DENND1A: variants seen among roughly 807,000 people sequenced by gnomAD.
DENND1A encodes the protein DENN domain containing 1A.
In DENND1A, 51 loss-of-function variants were observed where a neutral mutation model predicts 113.7. That is an observed-to-expected ratio of 0.45 (90% CI 0.36 to 0.57). The LOEUF is 0.57. Among genes scored for constraint, DENND1A ranks in the 20% least tolerant of loss-of-function variants. DENND1A has a pLI of 0.00. For synonymous variants in DENND1A, 565 were observed against 570.8 expected (o/e 0.99, Z 0.14); for missense variants, 1,258 against 1,395.9 (o/e 0.90, Z 1.57).
At chr9:123,635,997 G>GTCA (rs2061682273) in intron 9 of DENND1A, among the ~76,000 whole-genome samples, 1 of 152,166 alleles carries the variant, frequency 6.6e-6, no homozygotes, top group Non-Finnish European at 1.5e-5. Context: ...TAGAGGAATT[G>GTCA]CTATCCTTTG....
At chr9:123,391,434 A>C (rs541755016) in intron 21 of DENND1A, among the ~76,000 whole-genome samples, 1 of 152,242 alleles carries the variant, frequency 6.6e-6, no homozygotes, top group Non-Finnish European at 1.5e-5. Context: ...TTTTGCAGAC[A>C]AAGTAGCCAA....
intron 13 of DENND1A, among the ~76,000 whole-genome samples, chr9:123,514,607 G>A (rs1265401931): frequency 2.0e-5 from 3 of 152,136 alleles, no homozygotes; most frequent in Admixed American, 2.0e-4. Flanking sequence ...TATAGGCCAG[G>A]TTTTTCACTT....
intron 5 of DENND1A, among the ~76,000 whole-genome samples, chr9:123,684,861 T>C (rs560650235): frequency 2.7e-4 from 41 of 152,094 alleles, no homozygotes; most frequent in Non-Finnish European, 5.4e-4. Flanking sequence ...GCTCACAGTC[T>C]AAAGAGGAAA....
intron 5 of DENND1A, among the ~76,000 whole-genome samples, chr9:123,710,560 C>CACAT (rs60092060): frequency 1.0e-4 from 15 of 148,980 alleles, no homozygotes; most frequent in African/African-American, 1.8e-4. Context: ...CACACACACA[C>CACAT]TGGCATCATA....
chr9:123,539,807 C>T (rs1219724418), intron 13 of DENND1A, among the ~76,000 whole-genome samples: 3 of 149,140 alleles, frequency 2.0e-5, no homozygotes, highest in East Asian at 2.0e-4. Flanking sequence ...GGCGTGAACC[C>T]GGGAGGCAGA....
At chr9:123,442,460 G>C (rs1328853458) in intron 18 of DENND1A, among the ~76,000 whole-genome samples, 1 of 152,116 alleles carries the variant, frequency 6.6e-6, no homozygotes, top group African/African-American at 2.4e-5. Context: ...AAACAACAAT[G>C]GGCAAAAGGG....
At chr9:123,583,140 A>C in intron 12 of DENND1A, 29 bp downstream of exon 12, 2 of 1,502,208 alleles carry the variant, frequency 1.3e-6, no homozygotes, top group Non-Finnish European at 1.8e-6. Flanking sequence ...AGCTCACAGA[A>C]GTGAGATCCT....
chr9:123,440,054 G>C (rs1588536938), intron 19 of DENND1A: 2 of 214,966 alleles, frequency 9.3e-6, no homozygotes, highest in East Asian at 2.6e-4. Flanking sequence ...CTAATGAGAT[G>C]CTTAGCTAAC....
chr9:123,851,522 T>C (rs547836767), intron 2 of DENND1A, among the ~76,000 whole-genome samples: 1 of 152,324 alleles, frequency 6.6e-6, no homozygotes, highest in Non-Finnish European at 1.5e-5. Flanking sequence ...GGGGGTGATT[T>C]TAAAATTCTT....
intron 2 of DENND1A, among the ~76,000 whole-genome samples, chr9:123,846,923 T>C (rs1842702222): frequency 6.6e-6 from 1 of 152,230 alleles, no homozygotes; most frequent in South Asian, 2.1e-4. Context: ...ATATCTTTTA[T>C]TAATGGGCAA....
chr9:123,867,134 G>A (rs995340548), intron 2 of DENND1A, among the ~76,000 whole-genome samples: 2 of 152,108 alleles, frequency 1.3e-5, no homozygotes, highest in Admixed American at 6.5e-5. Flanking sequence ...TTTTTCTAAA[G>A]AAAGCCTTTG....
chr9:123,880,195 T>A (rs1848118782), intron 1 of DENND1A, among the ~76,000 whole-genome samples: 1 of 152,062 alleles, frequency 6.6e-6, no homozygotes, highest in Admixed American at 6.6e-5. Context: ...TGTATTTTAG[T>A]AGAGATGGGG....
At chr9:123,549,937 G>GA (rs2056939598) in intron 13 of DENND1A, among the ~76,000 whole-genome samples, 1 of 152,096 alleles carries the variant, frequency 6.6e-6, no homozygotes, top group Admixed American at 6.5e-5. Flanking sequence ...AAACAAATCC[G>GA]AAAACAGTTT....
rs1208992188 is a variant in DENND1A, at chr9:123,440,370, T to C, written c.1478A>G (p.His493Arg). The C allele has an allele frequency of 3.1e-6, 5 of 1,601,420 alleles. No homozygotes were observed. The South Asian group carries it at 5.6e-5, about 18-fold the overall frequency. ...LREDRRPITV[H>R]FGQLQRLRPT... ...GGCCAGGGTACACACCTGTCCAAAGTGGACTGTGATTGGCCGCCGGTCTTC... is the reference window on the plus strand; with the variant it reads ...GGCCAGGGTACACACCTGTCCAAAGCGGACTGTGATTGGCCGCCGGTCTTC... Residue 493 changes from histidine (H) to arginine (R), a missense_variant, in exon 19 of 24, where the codon CAC becomes CGC. Coordinates refer to ENST00000394215, the MANE Select transcript of DENND1A (RefSeq NM_001352964.2).
At position 123,519,248 on chromosome 9, in the gene DENND1A, C is replaced by T. The variant is rs547747665; in HGVS notation, c.993+38322G>A. On this transcript the variant is annotated intron_variant, in intron 13 of 23. Coordinates refer to ENST00000394215, the MANE Select transcript of DENND1A (RefSeq NM_001352964.2). The stretch of plus-strand genomic sequence containing the variant: ...GTCTCCTTGTTTACTATTGTATTTC[C>T]CTACAGTGTAAGCTCCTTGAAGGAG... Among the ~76,000 whole-genome samples, 3 of 152,244 alleles carry T rather than the reference C, an allele frequency of 2.0e-5. No individual in the cohort carries two copies. In the South Asian group the frequency reaches 6.2e-4, roughly 32 times the overall value.
At chr9:123,485,656 G>GCGCGCGCGCGCA (rs765633751) in intron 13 of DENND1A, 5 of 141,156 alleles carry the variant, frequency 3.5e-5, no homozygotes, top group African/African-American at 8.7e-5. Flanking sequence ...GCGCGCGCGC[G>GCGCGCGCGCGCA]CACACACACA....
intron 13 of DENND1A, among the ~76,000 whole-genome samples, chr9:123,544,499 C>T (rs2056515026): frequency 6.6e-6 from 1 of 152,120 alleles, no homozygotes; most frequent in African/African-American, 2.4e-5. Context: ...TAATATGAAC[C>T]ACATGGTAAT....
rs2064225675 is a variant in DENND1A, at chr9:123,678,349, A to G, written c.303-1560T>C. 3.3e-5 allele frequency among the ~76,000 whole-genome samples: 5 copies of G among 152,044 alleles called. No homozygotes were observed. The South Asian group carries it at 1.0e-3, about 32-fold the overall frequency. ...TATGGAATTGTTGAAAAGTATCCAC[A>G]CCCCCAAGCAGTTTTGCCACTTACT... On this transcript the variant is annotated intron_variant, in intron 5 of 23. Coordinates refer to ENST00000394215, the MANE Select transcript of DENND1A (RefSeq NM_001352964.2).
At chr9:123,921,912 C>CTTTTTT (rs113646800) in intron 1 of DENND1A, among the ~76,000 whole-genome samples, 7 of 143,712 alleles carry the variant, frequency 4.9e-5, no homozygotes, top group South Asian at 2.2e-4. Flanking sequence ...CAAAGCCATC[C>CTTTTTT]TTTTTTTTTT....
Sources: gnomAD v4.1 joint callset for allele counts (sites outside exome capture counted in the v4.1 genomes callset) on GRCh38, gnomAD v4.1.1 for gene constraint, MANE v1.5 for transcripts, NCBI Gene and HGNC (gene_info 2026-07-23, HGNC 2026-07-21) for gene names.